CAST: variants seen among roughly 807,000 people sequenced by gnomAD.
CAST encodes calpastatin, also known as MIR583 host.
CAST carries 76 observed loss-of-function variants against 119.6 expected under a neutral mutation model. The observed-to-expected ratio is 0.64, with a 90% CI of 0.53 to 0.77. The LOEUF (loss-of-function observed/expected upper bound fraction) is 0.77, where lower values mean the gene tolerates loss of function less well. Among genes scored for constraint, CAST ranks in the 30% least tolerant of loss-of-function variants. CAST has a pLI of 0.00. For synonymous variants in CAST, 319 were observed against 331.6 expected (o/e 0.96, Z 0.41); for missense variants, 953 against 946.5 (o/e 1.01, Z -0.09).
chr5:96,104,975 G>A, the CAST span, among the ~76,000 whole-genome samples: 1 of 99,586 alleles, frequency 1.0e-5, no homozygotes, highest in African/African-American at 4.0e-5. Context: ...GGATTCCTAG[G>A]TATTTTATTC....
chr5:96,308,172 A>T, the CAST span, among the ~76,000 whole-genome samples: 1 of 151,312 alleles, frequency 6.6e-6, no homozygotes, highest in Non-Finnish European at 1.5e-5. Flanking sequence ...TTTTTCTCTA[A>T]TCTTATCTTC....
chr5:95,962,846 A>G, the CAST span, among the ~76,000 whole-genome samples: 1 of 152,318 alleles, frequency 6.6e-6, no homozygotes, highest in African/African-American at 2.4e-5. Context: ...GGGCTGTGTG[A>G]AAACCTAGCT....
rs1267067922 is a variant in CAST at position 96,561,796 on chromosome 5, G to GTTTTTTTGTTGT, written c.60+31923_60+31924insGTTGTTTTTTTT. Among the ~76,000 whole-genome samples, 3 of 97,422 alleles carry GTTTTTTTGTTGT rather than the reference G, an allele frequency of 3.1e-5. 1 individual carries two copies. Among genetic ancestry groups the GTTTTTTTGTTGT allele is most frequent in the African/African-American group, 1.2e-4 (3 of 26,002 alleles). The allele number at this position is 97,422 out of a possible 152,430, so 63.9% of individuals were successfully genotyped here. A position where few individuals can be genotyped will look rare whatever the true frequency, so the allele number is the denominator to read the frequency against. On this transcript the variant is annotated intron_variant, in intron 1 of 11. Coordinates refer to the CAST transcript ENST00000505143. ...GTGTATTATATATATGTTTTTTTTT[G>GTTTTTTTGTTGT]TTTTTTTTTTTTTTGAGACGGAGTC...
chr5:96,241,988 C>G, the CAST span, among the ~76,000 whole-genome samples: 183 of 138,642 alleles, frequency 1.3e-3, 1 homozygote, highest in African/African-American at 4.7e-3. Flanking sequence ...GAGTAGGTTG[C>G]GAAAATTTTC....
At chr5:96,475,844 A>G in the CAST span, among the ~76,000 whole-genome samples, 1 of 152,336 alleles carries the variant, frequency 6.6e-6, no homozygotes, top group East Asian at 1.9e-4. Flanking sequence ...TCAAATTGCA[A>G]TAATGACTTG....
the CAST span, among the ~76,000 whole-genome samples, chr5:96,103,049 A>G: frequency 6.6e-6 from 1 of 152,150 alleles, no homozygotes; most frequent in African/African-American, 2.4e-5. Context: ...TAAAATGGAT[A>G]AAGATTCATG....
At chr5:96,764,637 G>T (rs1382085119) in intron 25 of CAST, among the ~76,000 whole-genome samples, 1 of 152,134 alleles carries the variant, frequency 6.6e-6, no homozygotes, top group Non-Finnish European at 1.5e-5. Context: ...TAGGATGGCA[G>T]TGCCGAGCTC....
intron 3 of CAST, among the ~76,000 whole-genome samples, chr5:96,699,718 AG>A (rs1753667937): frequency 6.6e-6 from 1 of 152,184 alleles, no homozygotes; most frequent in Non-Finnish European, 1.5e-5. Context: ...TGGGGGTGTG[AG>A]TCTTCTGGAT....
At chr5:96,167,604 T>C in the CAST span, among the ~76,000 whole-genome samples, 1 of 152,110 alleles carries the variant, frequency 6.6e-6, no homozygotes, top group Non-Finnish European at 1.5e-5. Context: ...GTTCACTGAA[T>C]ACCAAGAGCC....
intron 1 of CAST, among the ~76,000 whole-genome samples, chr5:96,636,412 C>A (rs966760015): frequency 1.3e-5 from 2 of 152,134 alleles, no homozygotes; most frequent in African/African-American, 2.4e-5. Context: ...GGTCAAAAAT[C>A]TATTTAAATA....
chr5:96,616,690 G>T (rs1747460085), intron 1 of CAST, among the ~76,000 whole-genome samples: 1 of 148,712 alleles, frequency 6.7e-6, no homozygotes, highest in African/African-American at 2.5e-5. Context: ...TGAGGTCCAG[G>T]GTCCAATGTG....
the CAST span, among the ~76,000 whole-genome samples, chr5:96,473,687 G>A: frequency 6.6e-6 from 1 of 152,322 alleles, no homozygotes; most frequent in East Asian, 1.9e-4. Flanking sequence ...CTCCTTACAG[G>A]TCACTGGCCA....
chr5:96,524,862 T>G (rs969639757), upstream of CAST, among the ~76,000 whole-genome samples: 14 of 152,222 alleles, frequency 9.2e-5, no homozygotes, highest in African/African-American at 3.4e-4. Context: ...TGATTCTTGC[T>G]ATAAAGGGTA....
At chr5:96,108,867 A>G in the CAST span, among the ~76,000 whole-genome samples, 2 of 152,202 alleles carry the variant, frequency 1.3e-5, no homozygotes, top group Non-Finnish European at 2.9e-5. Context: ...TGTGCTAGCA[A>G]TCAGCGAGAC....
chr5:96,480,279 GAGT>G, the CAST span, among the ~76,000 whole-genome samples: 2 of 152,156 alleles, frequency 1.3e-5, no homozygotes, highest in East Asian at 3.8e-4. Context: ...GGAACAGGAA[GAGT>G]AGAATTGAAT....
the CAST span, among the ~76,000 whole-genome samples, chr5:96,224,351 G>A: frequency 6.6e-6 from 1 of 152,138 alleles, no homozygotes; most frequent in Admixed American, 6.5e-5. Context: ...CTAATCTCTG[G>A]AACCTGTAAA....
the CAST span, among the ~76,000 whole-genome samples, chr5:96,249,510 A>T: frequency 6.6e-6 from 1 of 152,248 alleles, no homozygotes; most frequent in South Asian, 2.1e-4. Flanking sequence ...GCACATAGTA[A>T]AGAGGCAACA....
the CAST span, among the ~76,000 whole-genome samples, chr5:96,034,688 C>G: frequency 1.3e-5 from 2 of 151,778 alleles, no homozygotes; most frequent in South Asian, 4.2e-4. Context: ...AATAGTCACC[C>G]TGCTGTACAA....
At chr5:96,214,469 C>T in the CAST span, among the ~76,000 whole-genome samples, 1 of 152,138 alleles carries the variant, frequency 6.6e-6, no homozygotes, top group African/African-American at 2.4e-5. Flanking sequence ...AAGCCTAATA[C>T]TCCATGAAAT....
Sources: allele counts gnomAD v4.1 joint callset (sites outside exome capture counted in the v4.1 genomes callset), GRCh38; gene constraint gnomAD v4.1.1; transcripts MANE v1.5; gene names NCBI Gene and HGNC (gene_info 2026-07-23, HGNC 2026-07-21).